The following HMGB3 variants were observed in gnomAD, a reference collection of about 807,000 sequenced individuals.
HMGB3 encodes high mobility group box 3.
HMGB3 carries 1 observed loss-of-function variant against 12.9 expected under a neutral mutation model. The ratio of observed to expected loss-of-function variants is 0.08; its 90% confidence interval spans 0.03 to 0.37. The LOEUF (loss-of-function observed/expected upper bound fraction) is 0.37. Ranked by LOEUF, HMGB3 falls within the 10% of genes least tolerant of loss-of-function variation. The probability of loss-of-function intolerance (pLI) is 0.99; values close to 1 mark genes in which losing one functional copy is unlikely to be tolerated. For missense variants in HMGB3, 74 were observed against 153.3 expected, an observed-to-expected ratio of 0.48 and a Z score of 2.73; for synonymous variants, 61 against 53.9, an observed-to-expected ratio of 1.13 and a Z score of -0.57.
At position 150,990,198 on chromosome X, in the gene HMGB3, G is replaced by A. The variant is rs1319190453; in HGVS notation, c.*2284G>A. The A allele has an allele frequency of 1.8e-5, 2 of 112,037 alleles. No homozygotes were observed. Among genetic ancestry groups the A allele is most frequent in the Admixed American group, 9.5e-5 (1 of 10,495 alleles). 9.2% of individuals were successfully genotyped at this position (112,037 alleles called of 1,213,427 possible). A position where few individuals can be genotyped will look rare whatever the true frequency, so the allele number is the denominator to read the frequency against. On this transcript the variant is annotated 3_prime_UTR_variant, in exon 5 of 5. Transcript: ENST00000325307. ...AAGGGAGTGATTTGTTAAGTGGTGCGCGTCTATCTCATAACTAGATGTACC... is the reference window on the plus strand; with the variant it reads ...AAGGGAGTGATTTGTTAAGTGGTGCACGTCTATCTCATAACTAGATGTACC...
In HMGB3 at chrX:150,990,526, G is replaced by T. The variant is rs2048101576; in HGVS notation, c.*2612G>T. On this transcript the variant is annotated 3_prime_UTR_variant, in exon 5 of 5. Coordinates refer to ENST00000325307, the MANE Select transcript of HMGB3 (RefSeq NM_005342.4). ...CTTGATTTCTGGGCCCACTGTCTGT[G>T]TTCTTAAGATGCCAACCTGTTGCTT... 1 of 106,550 alleles carries T rather than the reference G, an allele frequency of 9.4e-6. No individual in the cohort carries two copies. Among genetic ancestry groups the T allele is most frequent in the African/African-American group, 3.4e-5 (1 of 29,232 alleles). The allele number at this position is 106,550 out of a possible 1,213,427, so 8.8% of individuals were successfully genotyped here.
rs2048104419 is a variant in HMGB3, at chrX:150,990,761, C to A, written c.*2847C>A. 1 of 111,798 alleles carries A rather than the reference C, an allele frequency of 8.9e-6. No homozygotes were observed. 9.2% of individuals were successfully genotyped at this position (111,798 alleles called of 1,213,427 possible). A position where few individuals can be genotyped will look rare whatever the true frequency, so the allele number is the denominator to read the frequency against. On this transcript the variant is annotated 3_prime_UTR_variant, in exon 5 of 5. Coordinates refer to ENST00000325307, the MANE Select transcript of HMGB3 (RefSeq NM_005342.4). ...TCTGTAATAAAGTTTCTTAATCACT[C>A]TTCCCAAAAAGTAATCAGTGGGCTG...
chrX:150,984,307 A>G (rs1279486699), intron 1 of HMGB3, among the ~76,000 whole-genome samples: 6 of 70,745 alleles, frequency 8.5e-5, no homozygotes, highest in African/African-American at 3.1e-4. Context: ...CGGGCCCCCG[A>G]GCCCCCGGGC....
chrX:150,983,159 T>G, upstream of HMGB3: 1 of 386,336 alleles, frequency 2.6e-6, no homozygotes, highest in Non-Finnish European at 3.3e-6. Context: ...GGCGGGTCGT[T>G]CTGTTTGAAT....
chrX:150,984,634 C>T (rs1167880750), intron 1 of HMGB3: 59 of 701,687 alleles, frequency 8.4e-5, no homozygotes, highest in Non-Finnish European at 9.6e-5. Context: ...AGGTGAATTA[C>T]GGGTGTCCCG....
chrX:150,987,797 G>A lies in HMGB3; in HGVS notation c.486G>A (p.Ser162=), dbSNP rs782588935. The change falls in exon 5 of 5, where the codon TCG becomes TCA. Residue 162 remains serine, a synonymous_variant. Coordinates refer to ENST00000325307, the MANE Select transcript of HMGB3 (RefSeq NM_005342.4). ...KYEKDVADYK[S]KGKFDGAKGP... Reference sequence around the variant, plus strand: ...TCTAGGATGTTGCTGACTATAAGTCGAAAGGAAAGTTTGATGGTGCAAAGG... The same window carrying A: ...TCTAGGATGTTGCTGACTATAAGTCAAAAGGAAAGTTTGATGGTGCAAAGG... The A allele has an allele frequency of 8.3e-6, 10 of 1,204,811 alleles. No homozygotes were observed. In the Admixed American group the frequency reaches 8.8e-5, roughly 11 times the overall value.
chrX:150,985,399 GTT>G (rs782455991), intron 1 of HMGB3, 194 bp from the exon 2 acceptor site: 25 of 355,540 alleles, frequency 7.0e-5, no homozygotes, highest in Non-Finnish European at 1.0e-4. Flanking sequence ...CTGGTCAAAA[GTT>G]AAATGACAAG....
At chrX:150,981,492 C>G (rs1300751039), upstream of HMGB3, among the ~76,000 whole-genome samples, 1 of 76,619 alleles carries the variant, frequency 1.3e-5, no homozygotes, top group African/African-American at 4.9e-5. Context: ...TTTTTTTTTT[C>G]GGAGTCTTGC....
chrX:150,986,678 G>A (rs1557425244), intron 3 of HMGB3, among the ~76,000 whole-genome samples: 1 of 111,212 alleles, frequency 9.0e-6, no homozygotes, highest in Admixed American at 9.6e-5. Context: ...ATGGAGTTTC[G>A]CTCTTGACCA....
intron 1 of HMGB3, 166 bp downstream of exon 1, chrX:150,983,542 C>T (rs2048012209): frequency 1.1e-5 from 8 of 742,234 alleles, no homozygotes; most frequent in Non-Finnish European, 1.3e-5. Flanking sequence ...CCTTCCCGCC[C>T]CCTCCGCCTT....
intron 1 of HMGB3, among the ~76,000 whole-genome samples, chrX:150,983,743 T>G (rs1333716203): frequency 7.5e-5 from 8 of 106,808 alleles, no homozygotes; most frequent in African/African-American, 2.7e-4. Context: ...CTGCGGCGGC[T>G]GGGCGAGCAG....
At position 150,987,203 on chromosome X, in the gene HMGB3, C is replaced by T. The variant is rs367685246; in HGVS notation, c.366C>T (p.Asp122=). 95 of 1,205,870 alleles carry T rather than the reference C, an allele frequency of 7.9e-5. No individual in the cohort carries two copies. Among genetic ancestry groups the T allele is most frequent in the Non-Finnish European group, 1.0e-4 (90 of 891,664 alleles). The change falls in exon 4 of 5, where the codon GAC becomes GAT. Residue 122 remains aspartate, a synonymous_variant. Transcript: ENST00000325307. ...CAAACCCCGGCATCTCTATTGGAGACGTGGCAAAAAAGCTGGGTGAGATGT... is the reference window on the plus strand; with the variant it reads ...CAAACCCCGGCATCTCTATTGGAGATGTGGCAAAAAAGCTGGGTGAGATGT... ...KSTNPGISIG[D]VAKKLGEMWN... is the part of the protein sequence containing the mutation.
At position 150,987,973 on chromosome X, in the gene HMGB3, A is replaced by C; in HGVS notation, c.*59A>C. 1 of 1,139,750 alleles carries C rather than the reference A, an allele frequency of 8.8e-7. No homozygotes were observed. Among genetic ancestry groups the C allele is most frequent in the Admixed American group, 2.6e-5 (1 of 39,157 alleles). 93.9% of individuals were successfully genotyped at this position (1,139,750 alleles called of 1,213,427 possible). A position where few individuals can be genotyped will look rare whatever the true frequency, so the allele number is the denominator to read the frequency against. ...AGAGTAGGGGAGCGCCGTAATTGAC[A>C]CATCTCTTATTTGAGAAGTGTCTGT... On this transcript the variant is annotated 3_prime_UTR_variant, in exon 5 of 5. Transcript: ENST00000325307.
At chrX:150,986,652 C>G (rs1252941033) in intron 3 of HMGB3, among the ~76,000 whole-genome samples, 1 of 111,118 alleles carries the variant, frequency 9.0e-6, no homozygotes, top group Non-Finnish European at 1.9e-5. Context: ...CACACACACA[C>G]GCATACATAT....
chrX:150,987,538 AAC>A (rs2048065695), intron 4 of HMGB3, among the ~76,000 whole-genome samples: 1 of 111,447 alleles, frequency 9.0e-6, no homozygotes, highest in Admixed American at 9.6e-5. Flanking sequence ...AAAAAATGTT[AAC>A]AGAGGATTTG....
Position 150,987,849 on chromosome X carries a change from G to C in HMGB3, c.538G>C (p.Val180Leu). Residue 180 changes from valine to leucine, a missense_variant, in exon 5 of 5, where the codon GTG becomes CTG. By Grantham distance (32) the Val-to-Leu change is conservative (BLOSUM62 1). This residue lies in a region of HMGB3 where 29 missense variants were observed against 29.5 expected (regional missense o/e 0.98). Coordinates refer to ENST00000325307, the MANE Select transcript of HMGB3 (RefSeq NM_005342.4). Reference protein sequence around the residue: ...KGPAKVARKKVEEEDEEEEEE... With the variant: ...KGPAKVARKKLEEEDEEEEEE... ...TCCTGCTAAAGTTGCCCGGAAAAAG[G>C]TGGAAGAGGAAGATGAAGAAGAGGA... 1 of 1,203,591 alleles carries C rather than the reference G, an allele frequency of 8.3e-7. No individual in the cohort carries two copies.
chrX:150,987,878 G>T lies in HMGB3; in HGVS notation c.567G>T (p.Glu189Asp), dbSNP rs2048070203. 1 of 1,187,788 alleles carries T rather than the reference G, an allele frequency of 8.4e-7. No individual in the cohort carries two copies. The highest frequency in any genetic ancestry group is 1.1e-6 in the Non-Finnish European group (1 of 882,140). ...AAGAGGAAGATGAAGAAGAGGAGGA[G>T]GAAGAAGAGGAGGAGGAGGAGGAGG... ...KVEEEDEEEE[E>D]EEEEEEEEED... is the part of the protein sequence containing the mutation. The change falls in exon 5 of 5, where the codon GAG (glutamate) becomes GAT (aspartate). Residue 189 changes from glutamate (E) to aspartate (D), a missense_variant. Glu to Asp is a conservative substitution (Grantham distance 45). Coordinates refer to ENST00000325307, the MANE Select transcript of HMGB3 (RefSeq NM_005342.4).
In HMGB3 at chrX:150,989,903, T is replaced by A. The variant is rs781914625; in HGVS notation, c.*1989T>A. On this transcript the variant is annotated 3_prime_UTR_variant, in exon 5 of 5. Coordinates refer to ENST00000325307, the MANE Select transcript of HMGB3 (RefSeq NM_005342.4). ...GTCACGGTCACAGCCTGATCTCTTA[T>A]GTGTTCATAGCCATTCGCTCTCCCA... 1.8e-5 allele frequency: 2 copies of A among 111,994 alleles called. No homozygotes were observed. The highest frequency in any genetic ancestry group is 6.5e-5 in the African/African-American group (2 of 30,822). 9.2% of individuals were successfully genotyped at this position (111,994 alleles called of 1,213,427 possible). A position where few individuals can be genotyped will look rare whatever the true frequency, so the allele number is the denominator to read the frequency against.
At chrX:150,985,297 T>C (rs781849608) in intron 1 of HMGB3, among the ~76,000 whole-genome samples, 1 of 112,275 alleles carries the variant, frequency 8.9e-6, no homozygotes, top group Admixed American at 9.4e-5. Flanking sequence ...AGCAGTTCTG[T>C]AAACGTAACA....
Sources: gnomAD v4.1 joint callset for allele counts (sites outside exome capture counted in the v4.1 genomes callset) on GRCh38, gnomAD v4.1.1 for gene constraint, gnomAD v4.1.1 regional missense constraint, MANE v1.5 for transcripts, NCBI Gene and HGNC (gene_info 2026-07-23, HGNC 2026-07-21) for gene names.